Variants in HPSE2 observed in about 807,000 individuals in gnomAD.
The protein encoded by HPSE2 is heparanase 2 (inactive), also known as inactive heparanase-2.
In HPSE2, 38 loss-of-function variants were observed where a neutral mutation model predicts 60.5. That is an observed-to-expected ratio of 0.63 (90% CI 0.48 to 0.82). The LOEUF (loss-of-function observed/expected upper bound fraction) is 0.82, where lower values mean the gene tolerates loss of function less well. Among genes scored for constraint, HPSE2 ranks in the 40% least tolerant of loss-of-function variants. The probability of loss-of-function intolerance (pLI) is 0.00; values close to 1 mark genes in which losing one functional copy is unlikely to be tolerated. For synonymous variants in HPSE2, 295 were observed against 293.2 expected, an observed-to-expected ratio of 1.01 and a Z score of -0.06; for missense variants, 713 against 740.4, an observed-to-expected ratio of 0.96 and a Z score of 0.43.
At chr10:98,555,872 T>A (rs909515298) in intron 9 of HPSE2, among the ~76,000 whole-genome samples, 5 of 152,072 alleles carry the variant, frequency 3.3e-5, no homozygotes, top group African/African-American at 1.2e-4. Flanking sequence ...CCAAGCACCA[T>A]AATTACAAAG....
chr10:98,671,617 C>T (rs180912236), intron 6 of HPSE2, among the ~76,000 whole-genome samples: 73 of 152,284 alleles, frequency 4.8e-4, no homozygotes, highest in Non-Finnish European at 7.6e-4. Flanking sequence ...TCTTCACCCC[C>T]GCCCCTTGTG....
chr10:98,559,506 G>A (rs930202042), intron 9 of HPSE2, among the ~76,000 whole-genome samples: 18 of 152,032 alleles, frequency 1.2e-4, no homozygotes, highest in Non-Finnish European at 2.1e-4. Flanking sequence ...CCTGACCTGC[G>A]CTAGCACTCA....
intron 2 of HPSE2, among the ~76,000 whole-genome samples, chr10:99,179,018 C>A (rs1847648909): frequency 6.6e-6 from 1 of 152,106 alleles, no homozygotes; most frequent in East Asian, 1.9e-4. Context: ...AAGACAAAAA[C>A]CACATAATTA....
intron 3 of HPSE2, among the ~76,000 whole-genome samples, chr10:98,900,529 CAT>C (rs781344107): frequency 6.6e-6 from 1 of 152,086 alleles, no homozygotes; most frequent in East Asian, 1.9e-4. Context: ...ATATACAGTA[CAT>C]GTTAGTTATG....
chr10:98,483,191 T>C (rs1403439602), intron 10 of HPSE2, among the ~76,000 whole-genome samples: 1 of 152,134 alleles, frequency 6.6e-6, no homozygotes, highest in East Asian at 1.9e-4. Context: ...CCAGTATTTT[T>C]TAGTTTATTA....
intron 2 of HPSE2, among the ~76,000 whole-genome samples, chr10:99,212,090 CTGAT>C (rs1848970980): frequency 6.6e-6 from 1 of 152,082 alleles, no homozygotes; most frequent in African/African-American, 2.4e-5. Flanking sequence ...TTCAACGTCA[CTGAT>C]TATCAGGGAA....
chr10:98,715,165 G>A (rs568789771), intron 5 of HPSE2, among the ~76,000 whole-genome samples: 13 of 151,714 alleles, frequency 8.6e-5, no homozygotes, highest in African/African-American at 2.7e-4. Flanking sequence ...GGTGTCATTC[G>A]ACACACAAAA....
intron 3 of HPSE2, among the ~76,000 whole-genome samples, chr10:98,914,627 T>C (rs1954068187): frequency 6.8e-6 from 1 of 147,488 alleles, no homozygotes; most frequent in Non-Finnish European, 1.5e-5. Context: ...TTCTTACATA[T>C]AGAATAAATG....
intron 6 of HPSE2, among the ~76,000 whole-genome samples, chr10:98,663,488 C>T (rs1424854574): frequency 6.6e-6 from 1 of 152,140 alleles, no homozygotes; most frequent in African/African-American, 2.4e-5. Context: ...AGTGACTCTT[C>T]AAGTGGCTCT....
intron 5 of HPSE2, among the ~76,000 whole-genome samples, chr10:98,701,432 C>T (rs1322537583): frequency 7.1e-6 from 1 of 140,698 alleles, no homozygotes; most frequent in East Asian, 2.1e-4. Context: ...TAGGTGGGAA[C>T]TGAACAATGA....
At position 98,844,334 on chromosome 10, in the gene HPSE2, A is replaced by G. The variant is rs557726952; in HGVS notation, c.611-100278T>C. Among the ~76,000 whole-genome samples the G allele has an allele frequency of 4.6e-5, 7 of 152,350 alleles. No homozygotes were observed. The South Asian group carries it at 1.2e-3, about 27-fold the overall frequency. ...AGGAGTGGTCAGTCTTTAGACTCCA[A>G]GAATCTTCATTTAGAGGTTCTTACA... On this transcript the variant is annotated intron_variant, in intron 3 of 11. Transcript: ENST00000370552.
At chr10:99,209,327 T>C (rs1351597087) in intron 2 of HPSE2, among the ~76,000 whole-genome samples, 1 of 152,044 alleles carries the variant, frequency 6.6e-6, no homozygotes, top group Non-Finnish European at 1.5e-5. Context: ...TAGAAACCAG[T>C]AACAGGAAGA....
rs1426933878 is a variant in HPSE2 at position 98,938,520 on chromosome 10, A to G, written c.611-194464T>C. On this transcript the variant is annotated intron_variant, in intron 3 of 11. Transcript: ENST00000370552. ...GAAGATGAAATGAATGAAATGAAGCAAGAAGGGAAGTTTAGAGAAAAAAGA... is the reference window on the plus strand; with the variant it reads ...GAAGATGAAATGAATGAAATGAAGCGAGAAGGGAAGTTTAGAGAAAAAAGA... Among the ~76,000 whole-genome samples, 20 of 143,880 alleles carry G rather than the reference A, an allele frequency of 1.4e-4. 2 individuals carry two copies. The highest frequency in any genetic ancestry group is 4.8e-4 in the Admixed American group (7 of 14,486). The allele number at this position is 143,880 out of a possible 152,430, so 94.4% of individuals were successfully genotyped here. A position where few individuals can be genotyped will look rare whatever the true frequency, so the allele number is the denominator to read the frequency against.
At chr10:99,143,069 A>G (rs1845921133) in intron 3 of HPSE2, among the ~76,000 whole-genome samples, 1 of 152,152 alleles carries the variant, frequency 6.6e-6, no homozygotes, top group Non-Finnish European at 1.5e-5. Context: ...ACCCAATTTC[A>G]CTAACCAATT....
intron 8 of HPSE2, among the ~76,000 whole-genome samples, chr10:98,616,098 C>T (rs962064080): frequency 4.6e-5 from 7 of 151,910 alleles, no homozygotes; most frequent in African/African-American, 7.3e-5. Flanking sequence ...TTGAACCTAC[C>T]CCTTTTCATC....
At chr10:99,165,628 C>A (rs1847048243) in intron 2 of HPSE2, among the ~76,000 whole-genome samples, 1 of 151,598 alleles carries the variant, frequency 6.6e-6, no homozygotes, top group Admixed American at 6.6e-5. Flanking sequence ...CTCACTGCAA[C>A]CTCCACCTCC....
intron 3 of HPSE2, among the ~76,000 whole-genome samples, chr10:98,990,795 AT>A (rs1360919748): frequency 6.6e-6 from 1 of 152,176 alleles, no homozygotes; most frequent in African/African-American, 2.4e-5. Context: ...GATGTGCCTA[AT>A]AGAGTCTATC....
At chr10:99,266,039 C>T in the HPSE2 span, among the ~76,000 whole-genome samples, 2 of 152,204 alleles carry the variant, frequency 1.3e-5, no homozygotes, top group African/African-American at 2.4e-5. Context: ...TTGGGGAGGG[C>T]TACCAGAGGA....
intron 5 of HPSE2, among the ~76,000 whole-genome samples, chr10:98,702,601 A>T (rs138309121): frequency 0.014 from 2,164 of 152,340 alleles, 63 homozygotes; most frequent in Admixed American, 0.075. Flanking sequence ...ACCACAGTGC[A>T]ATCAAATTAG....
Sources: gnomAD v4.1 joint callset for allele counts (sites outside exome capture counted in the v4.1 genomes callset) on GRCh38, gnomAD v4.1.1 for gene constraint, MANE v1.5 for transcripts, NCBI Gene and HGNC (gene_info 2026-07-23, HGNC 2026-07-21) for gene names.